DIP2B: variants seen among roughly 807,000 people sequenced by gnomAD.
DIP2B encodes disco-interacting protein 2 homolog B.
A neutral mutation model predicts 198.0 loss-of-function variants in DIP2B; 76 were observed. The ratio of observed to expected loss-of-function variants is 0.38; its 90% CI spans 0.32 to 0.46. The LOEUF is 0.46. Among genes scored for constraint, DIP2B ranks in the 20% least tolerant of loss-of-function variants. The pLI is 0.99. For synonymous variants in DIP2B, 701 were observed against 739.1 expected (o/e 0.95, Z 0.84); for missense variants, 1,559 against 1,978.4 (o/e 0.79, Z 4.02).
In DIP2B at chr12:50,505,166, C is replaced by A; in HGVS notation, c.26C>A (p.Ser9Ter). The change falls in exon 1 of 38, where the codon TCG (serine) becomes TAG (stop). Residue 9 changes from serine (S) to a stop codon, truncating the protein, a stop_gained. Transcript: ENST00000301180. LOFTEE classifies it high-confidence loss of function. Reference sequence around the variant, plus strand: ...ATGGCGGAACGAGGCCTGGAGCCGTCGCCGGCCGCGGTGGCGGCGCTGCCG... The same window carrying A: ...ATGGCGGAACGAGGCCTGGAGCCGTAGCCGGCCGCGGTGGCGGCGCTGCCG... The part of the protein sequence containing the change: MAERGLEP[S>*]PAAVAALPPE... 1 of 1,526,654 alleles carries A rather than the reference C, an allele frequency of 6.6e-7. No homozygotes were observed. The highest frequency in any genetic ancestry group is 8.8e-7 in the Non-Finnish European group (1 of 1,142,384). The allele number at this position is 1,526,654 out of a possible 1,614,324, so 94.6% of individuals were successfully genotyped here.
At chr12:50,546,175 CA>C (rs1340744715) in intron 1 of DIP2B, among the ~76,000 whole-genome samples, 1 of 152,156 alleles carries the variant, frequency 6.6e-6, no homozygotes, top group Non-Finnish European at 1.5e-5. Context: ...CACACATGTG[CA>C]AATATGCATA....
intron 1 of DIP2B, among the ~76,000 whole-genome samples, chr12:50,513,080 T>C (rs1311489489): frequency 5.9e-5 from 9 of 152,160 alleles, no homozygotes; most frequent in Admixed American, 5.9e-4. Context: ...ATAGAAAAGC[T>C]GAGTATAGTA....
chr12:50,698,773 A>G (rs999896066), intron 18 of DIP2B, among the ~76,000 whole-genome samples: 1 of 152,230 alleles, frequency 6.6e-6, no homozygotes, highest in African/African-American at 2.4e-5. Flanking sequence ...AGAAAATTAG[A>G]GCATACTGCT....
intron 4 of DIP2B, among the ~76,000 whole-genome samples, chr12:50,664,007 A>G (rs1451483630): frequency 6.6e-6 from 1 of 152,108 alleles, no homozygotes; most frequent in Non-Finnish European, 1.5e-5. Context: ...TACAGCATAC[A>G]TCATAAAGCA....
At chr12:50,540,862 T>C (rs1274494447) in intron 1 of DIP2B, among the ~76,000 whole-genome samples, 3 of 152,058 alleles carry the variant, frequency 2.0e-5, no homozygotes, top group Admixed American at 6.6e-5. Context: ...TATATAGTTA[T>C]TCATATTAAA....
intron 3 of DIP2B, among the ~76,000 whole-genome samples, chr12:50,645,468 T>G (rs1938334176): frequency 1.3e-5 from 2 of 151,682 alleles, no homozygotes; most frequent in Non-Finnish European, 2.9e-5. Context: ...CCTTTTTTTT[T>G]TTTTTTTGAG....
chr12:50,731,770 C>T (rs1050849355), intron 31 of DIP2B, among the ~76,000 whole-genome samples: 26 of 152,184 alleles, frequency 1.7e-4, no homozygotes, highest in African/African-American at 6.3e-4. Context: ...GAAGCGGAAA[C>T]TGGTTGGGAG....
intron 1 of DIP2B, among the ~76,000 whole-genome samples, chr12:50,568,353 C>T (rs1346980938): frequency 2.6e-5 from 4 of 152,136 alleles, no homozygotes; most frequent in African/African-American, 4.8e-5. Flanking sequence ...GGCTTCTTTT[C>T]CCAGCATAGT....
chr12:50,547,847 T>C lies in DIP2B; in HGVS notation c.100+42607T>C, dbSNP rs1958390871. Among the ~76,000 whole-genome samples, 4 of 152,104 alleles carry C rather than the reference T, an allele frequency of 2.6e-5. No homozygotes were observed. The South Asian group carries it at 8.3e-4, about 31-fold the overall frequency. ...ACTTTGGAAGGCTGAGGCAGGAGGA[T>C]TGCTTGAGGACAGGAGTTCGAGACC... is the stretch of plus-strand genomic sequence containing the variant. On this transcript the variant is annotated intron_variant, in intron 1 of 37. Transcript: ENST00000301180.
chr12:50,685,341 A>G (rs764401263), intron 10 of DIP2B, among the ~76,000 whole-genome samples: 14 of 152,048 alleles, frequency 9.2e-5, no homozygotes, highest in Admixed American at 2.6e-4. Flanking sequence ...GCTTAAATCT[A>G]CCCCCTTTAA....
At chr12:50,730,950 A>G (rs1301242551) in intron 30 of DIP2B, among the ~76,000 whole-genome samples, 2 of 152,210 alleles carry the variant, frequency 1.3e-5, no homozygotes, top group African/African-American at 4.8e-5. Flanking sequence ...TCTCATATTC[A>G]GAGCATCAAT....
chr12:50,520,573 A>C (rs1180556430), intron 1 of DIP2B, among the ~76,000 whole-genome samples: 1 of 152,192 alleles, frequency 6.6e-6, no homozygotes, highest in Non-Finnish European at 1.5e-5. Context: ...GTTTTTCTTC[A>C]AGAAGACCAA....
At chr12:50,514,601 T>G (rs947232052) in intron 1 of DIP2B, among the ~76,000 whole-genome samples, 4 of 152,168 alleles carry the variant, frequency 2.6e-5, no homozygotes, top group Non-Finnish European at 5.9e-5. Flanking sequence ...ATTTACAGTC[T>G]CTCTTTGTTT....
chr12:50,730,757 C>G (rs993094372), intron 30 of DIP2B, among the ~76,000 whole-genome samples: 1 of 152,158 alleles, frequency 6.6e-6, no homozygotes, highest in Non-Finnish European at 1.5e-5. Flanking sequence ...AATGTTGTTC[C>G]TCTGCTTAGA....
chr12:50,666,609 A>C (rs1938757818), intron 4 of DIP2B, among the ~76,000 whole-genome samples: 1 of 152,200 alleles, frequency 6.6e-6, no homozygotes, highest in Non-Finnish European at 1.5e-5. Flanking sequence ...AGGGACCTTA[A>C]TGTTAACTAT....
chr12:50,704,779 A>G (rs1939483932), intron 20 of DIP2B, among the ~76,000 whole-genome samples: 1 of 152,178 alleles, frequency 6.6e-6, no homozygotes, highest in South Asian at 2.1e-4. Context: ...AGCCTGGCCA[A>G]CATGGCAAAT....
chr12:50,666,686 C>T (rs1162426589), intron 4 of DIP2B, among the ~76,000 whole-genome samples: 1 of 152,066 alleles, frequency 6.6e-6, no homozygotes, highest in Non-Finnish European at 1.5e-5. Flanking sequence ...GGACTTGCAT[C>T]TTTAGCAGTT....
chr12:50,655,394 T>G (rs949294047), intron 3 of DIP2B, among the ~76,000 whole-genome samples: 1 of 152,218 alleles, frequency 6.6e-6, no homozygotes, highest in Non-Finnish European at 1.5e-5. Flanking sequence ...GGGGCAGAAG[T>G]GATTGTTCGG....
chr12:50,604,704 A>C (rs760683614), intron 1 of DIP2B, among the ~76,000 whole-genome samples: 5 of 152,152 alleles, frequency 3.3e-5, no homozygotes, highest in Non-Finnish European at 7.4e-5. Flanking sequence ...TCAGCCTCCC[A>C]GAGTGCTGGG....
Sources: gnomAD v4.1 joint callset for allele counts (sites outside exome capture counted in the v4.1 genomes callset) on GRCh38, gnomAD v4.1.1 for gene constraint, MANE v1.5 for transcripts, NCBI Gene and HGNC (gene_info 2026-07-23, HGNC 2026-07-21) for gene names.